Variants in AUTS2 observed in about 807,000 individuals in gnomAD.
AUTS2 encodes activator of transcription and developmental regulator AUTS2.
Under a neutral mutation model 112.4 loss-of-function variants are expected in AUTS2, and 17 were observed. The observed-to-expected ratio is 0.15, with a 90% CI of 0.10 to 0.23. AUTS2 has a LOEUF of 0.23. Among genes scored for constraint, AUTS2 ranks in the 10% least tolerant of loss-of-function variants. AUTS2 has a pLI of 1.00. For missense variants in AUTS2, 1,510 were observed against 1,701.6 expected (o/e 0.89, Z 1.98); for synonymous variants, 751 against 702.7 (o/e 1.07, Z -1.09).
chr7:70,089,418 T>TA, intron 2 of AUTS2, among the ~76,000 whole-genome samples: 1 of 152,286 alleles, frequency 6.6e-6, no homozygotes, highest in East Asian at 1.9e-4. Flanking sequence ...CTGCTATTGA[T>TA]ATAGCTATTG....
At chr7:69,892,201 C>A (rs1294139511) in intron 1 of AUTS2, among the ~76,000 whole-genome samples, 1 of 120,108 alleles carries the variant, frequency 8.3e-6, no homozygotes, top group Non-Finnish European at 1.7e-5. Flanking sequence ...AAGATGGAAT[C>A]TTGCTCTGTC....
intron 2 of AUTS2, among the ~76,000 whole-genome samples, chr7:69,918,235 T>G (rs1377938216): frequency 6.6e-6 from 1 of 152,226 alleles, no homozygotes; most frequent in Non-Finnish European, 1.5e-5. Flanking sequence ...ACCAGTCTTT[T>G]ACAAAAGATT....
chr7:69,838,756 G>A (rs1295709690), intron 1 of AUTS2, among the ~76,000 whole-genome samples: 1 of 152,186 alleles, frequency 6.6e-6, no homozygotes, highest in Non-Finnish European at 1.5e-5. Flanking sequence ...TGTGGTTTAA[G>A]TGGGATAGGC....
chr7:69,882,728 T>C (rs1794109485), intron 1 of AUTS2, among the ~76,000 whole-genome samples: 1 of 152,242 alleles, frequency 6.6e-6, no homozygotes, highest in South Asian at 2.1e-4. Context: ...AACTGAAGCT[T>C]CACAGGGTAT....
At chr7:69,923,482 C>G (rs1795892364) in intron 2 of AUTS2, among the ~76,000 whole-genome samples, 1 of 152,106 alleles carries the variant, frequency 6.6e-6, no homozygotes, top group African/African-American at 2.4e-5. Flanking sequence ...ATCAGCTTGT[C>G]AGGTTCTATA....
At chr7:69,875,738 A>G (rs1584375724) in intron 1 of AUTS2, among the ~76,000 whole-genome samples, 1 of 152,326 alleles carries the variant, frequency 6.6e-6, no homozygotes, top group Non-Finnish European at 1.5e-5. Context: ...ACTTTCCATC[A>G]CAGGTTCAGA....
rs1788313411 is a variant in AUTS2, at chr7:69,764,162, A to G, written c.310-135124A>G. ...TGTGGACTCGATTCCATTCTTGCTGATATTACTAGCGTAAATGAGATGCTT... is the reference window on the plus strand; with the variant it reads ...TGTGGACTCGATTCCATTCTTGCTGGTATTACTAGCGTAAATGAGATGCTT... On this transcript the variant is annotated intron_variant, in intron 1 of 18. Coordinates refer to ENST00000342771, the MANE Select transcript of AUTS2 (RefSeq NM_015570.4). Among the ~76,000 whole-genome samples, 4 of 152,204 alleles carry G rather than the reference A, an allele frequency of 2.6e-5. No homozygotes were observed. In the South Asian group the frequency reaches 8.3e-4, roughly 31 times the overall value.
intron 4 of AUTS2, among the ~76,000 whole-genome samples, chr7:70,173,316 G>T (rs959941374): frequency 6.6e-6 from 1 of 151,156 alleles, no homozygotes; most frequent in Non-Finnish European, 1.5e-5. Flanking sequence ...AGCCGAGGTC[G>T]TGCCACTGTA....
At chr7:69,991,838 G>C (rs966553354) in intron 2 of AUTS2, among the ~76,000 whole-genome samples, 2 of 152,078 alleles carry the variant, frequency 1.3e-5, no homozygotes, top group African/African-American at 4.8e-5. Context: ...CAAAATACAG[G>C]GCTTGTCTTG....
At chr7:70,084,826 C>G (rs1309043117) in intron 2 of AUTS2, among the ~76,000 whole-genome samples, 1 of 151,892 alleles carries the variant, frequency 6.6e-6, no homozygotes, top group African/African-American at 2.4e-5. Context: ...TCTTTTTATT[C>G]TCTTAACAGC....
intron 5 of AUTS2, among the ~76,000 whole-genome samples, chr7:70,589,205 A>C (rs920586432): frequency 5.9e-5 from 9 of 152,186 alleles, no homozygotes; most frequent in African/African-American, 2.2e-4. Context: ...GAGTGGGGCA[A>C]TCCGCTCCTT....
At chr7:70,243,600 GA>G (rs1812743959) in intron 4 of AUTS2, among the ~76,000 whole-genome samples, 1 of 152,028 alleles carries the variant, frequency 6.6e-6, no homozygotes, top group Non-Finnish European at 1.5e-5. Context: ...AGAAAGTGAT[GA>G]GTCAGCTCAA....
At chr7:69,698,402 A>G (rs1797649649) in intron 1 of AUTS2, among the ~76,000 whole-genome samples, 2 of 152,108 alleles carry the variant, frequency 1.3e-5, no homozygotes, top group Non-Finnish European at 1.5e-5. Flanking sequence ...TTTTCCCTAG[A>G]TAGTATTTTG....
chr7:70,288,260 G>C (rs544465028), intron 4 of AUTS2, among the ~76,000 whole-genome samples: 1 of 152,132 alleles, frequency 6.6e-6, no homozygotes, highest in Admixed American at 6.5e-5. Flanking sequence ...AAATTAGCCA[G>C]GCATGGTGGC....
intron 5 of AUTS2, among the ~76,000 whole-genome samples, chr7:70,495,829 ACACCCCACT>A (rs1303830441): frequency 8.2e-6 from 1 of 121,792 alleles, no homozygotes; most frequent in African/African-American, 3.4e-5. Context: ...CATCGATCAC[ACACCCCACT>A]CACACCACGT....
intron 5 of AUTS2, among the ~76,000 whole-genome samples, chr7:70,623,852 T>C (rs1804802659): frequency 6.6e-6 from 1 of 152,124 alleles, no homozygotes; most frequent in African/African-American, 2.4e-5. Flanking sequence ...TTACGCACTG[T>C]CAGAAATGGG....
intron 6 of AUTS2, among the ~76,000 whole-genome samples, chr7:70,734,547 G>C (rs1787667589): frequency 6.6e-6 from 1 of 152,118 alleles, no homozygotes; most frequent in Admixed American, 6.6e-5. Context: ...AATGAGGTTT[G>C]GCGGGACATA....
At chr7:70,640,169 T>C (rs1005310894) in intron 5 of AUTS2, among the ~76,000 whole-genome samples, 1 of 152,134 alleles carries the variant, frequency 6.6e-6, no homozygotes, top group Non-Finnish European at 1.5e-5. Context: ...GAGGCTGTGA[T>C]GTATACAGTA....
chr7:70,482,224 C>T (rs966678289), intron 5 of AUTS2, among the ~76,000 whole-genome samples: 1 of 152,106 alleles, frequency 6.6e-6, no homozygotes, highest in Non-Finnish European at 1.5e-5. Flanking sequence ...TGTAAGGGCA[C>T]GGGGATTTAC....
Sources: gnomAD v4.1 joint callset for allele counts (sites outside exome capture counted in the v4.1 genomes callset) on GRCh38, gnomAD v4.1.1 for gene constraint, MANE v1.5 for transcripts, NCBI Gene and HGNC (gene_info 2026-07-23, HGNC 2026-07-21) for gene names.